GRM7: variants seen among roughly 807,000 people sequenced by gnomAD.
GRM7 encodes metabotropic glutamate receptor 7.
A neutral mutation model predicts 84.5 loss-of-function variants in GRM7; 35 were observed. The observed-to-expected ratio is 0.41, with a 90% CI of 0.32 to 0.55. GRM7 has a LOEUF of 0.55. Ranked by LOEUF, GRM7 falls within the 20% of genes least tolerant of loss-of-function variation. The probability of loss-of-function intolerance (pLI) is 0.19; values close to 1 mark genes in which losing one functional copy is unlikely to be tolerated. For missense variants in GRM7, 1,003 were observed against 1,194.6 expected (o/e 0.84, Z 2.36); for synonymous variants, 487 against 455.1 (o/e 1.07, Z -0.89).
chr3:7,371,340 C>T lies in GRM7; in HGVS notation c.1034-43683C>T, dbSNP rs147573968. Among the ~76,000 whole-genome samples the T allele has an allele frequency of 3.6e-4, 55 of 152,110 alleles. No individual in the cohort carries two copies. In the East Asian group the frequency reaches 5.4e-3, roughly 15 times the overall value. ...ACTTAGAAAGCACTAACCTAGGAGA[C>T]GTAAAAAGTAAAATATTTCACCTCT... On this transcript the variant is annotated intron_variant, in intron 4 of 9. Transcript: ENST00000357716.
chr3:6,985,520 T>C lies in GRM7; in HGVS notation c.519+123613T>C, dbSNP rs112694495. Among the ~76,000 whole-genome samples the C allele has an allele frequency of 8.3e-3, 1,269 of 152,330 alleles. 19 individuals are homozygous for C. Among genetic ancestry groups the C allele is most frequent in the African/African-American group, 0.028 (1,150 of 41,568 alleles). On this transcript the variant is annotated intron_variant, in intron 1 of 9. Coordinates refer to ENST00000357716, the MANE Select transcript of GRM7 (RefSeq NM_000844.4). ...GGTTATCAAGCCACTTTCACAAATA[T>C]GTTGTTTCATTGTTGCCACAGGCTT...
intron 9 of GRM7, among the ~76,000 whole-genome samples, chr3:7,729,204 G>C (rs1001908332): frequency 1.3e-5 from 2 of 152,116 alleles, no homozygotes; most frequent in African/African-American, 4.8e-5. Flanking sequence ...GTCATTCACA[G>C]GAATATACAG....
At chr3:7,470,569 G>T (rs771782998) in intron 7 of GRM7, among the ~76,000 whole-genome samples, 1 of 152,080 alleles carries the variant, frequency 6.6e-6, no homozygotes, top group Non-Finnish European at 1.5e-5. Context: ...CCACAAACAT[G>T]TACATTAGAG....
Position 7,188,802 on chromosome 3 carries a change from T to C in GRM7, c.736+42134T>C, listed in dbSNP as rs956145126. 2.2e-4 allele frequency among the ~76,000 whole-genome samples: 34 copies of C among 152,208 alleles called. No homozygotes were observed. The highest frequency in any genetic ancestry group is 3.2e-3 in the Middle Eastern group (1 of 316). On this transcript the variant is annotated intron_variant, in intron 2 of 9. Coordinates refer to ENST00000357716, the MANE Select transcript of GRM7 (RefSeq NM_000844.4). The surrounding 1 kb of genome is among the most constrained non-coding windows in gnomAD (Gnocchi z 4.2). ...CTCCTTTCCTCCTGTGGCCCTGATA[T>C]TCTGTAGTGACTCATGATCATTGCA... is the stretch of plus-strand genomic sequence containing the variant.
At chr3:6,891,085 G>A (rs1403367467) in intron 1 of GRM7, among the ~76,000 whole-genome samples, 2 of 152,062 alleles carry the variant, frequency 1.3e-5, no homozygotes, top group Non-Finnish European at 2.9e-5. Context: ...CATTTGCTTG[G>A]TAGATCTTCC....
At chr3:7,558,907 A>T (rs935806473) in intron 7 of GRM7, among the ~76,000 whole-genome samples, 2 of 152,166 alleles carry the variant, frequency 1.3e-5, no homozygotes, top group South Asian at 2.1e-4. Context: ...AAATATGGCC[A>T]TTGAAATCTG....
intron 1 of GRM7, among the ~76,000 whole-genome samples, chr3:7,064,194 T>G (rs1301956377): frequency 4.6e-5 from 7 of 151,124 alleles, no homozygotes; most frequent in African/African-American, 1.7e-4. Flanking sequence ...ATCACCCATC[T>G]ATACACTATA....
intron 2 of GRM7, among the ~76,000 whole-genome samples, chr3:7,246,801 G>A (rs936924387): frequency 1.3e-5 from 2 of 152,002 alleles, no homozygotes; most frequent in African/African-American, 4.8e-5. Context: ...AAGATTATAA[G>A]GCTGATTCTG....
chr3:6,930,535 T>G, intron 1 of GRM7, among the ~76,000 whole-genome samples: 1 of 152,200 alleles, frequency 6.6e-6, no homozygotes, highest in Admixed American at 6.5e-5. Flanking sequence ...TTTTTTAATC[T>G]TAATAATGTA....
chr3:7,238,984 C>T (rs1439813458), intron 2 of GRM7, among the ~76,000 whole-genome samples: 4 of 124,766 alleles, frequency 3.2e-5, no homozygotes, highest in Non-Finnish European at 3.3e-5. Flanking sequence ...TTTTCCCTTT[C>T]TTTTCTTTTT....
At chr3:7,446,060 A>G (rs1162135507) in intron 5 of GRM7, among the ~76,000 whole-genome samples, 2 of 152,224 alleles carry the variant, frequency 1.3e-5, no homozygotes, top group Non-Finnish European at 2.9e-5. Context: ...CACTTACAAT[A>G]GATCCAAACA....
chr3:7,296,204 A>C (rs907066682), intron 2 of GRM7, among the ~76,000 whole-genome samples: 2 of 152,060 alleles, frequency 1.3e-5, no homozygotes, highest in Admixed American at 1.3e-4. Flanking sequence ...TGATTTTTCA[A>C]ATAATAAATT....
At chr3:7,020,258 A>G (rs74760040) in intron 1 of GRM7, among the ~76,000 whole-genome samples, 3,361 of 152,344 alleles carry the variant, frequency 0.022, 135 homozygotes, top group African/African-American at 0.074. Context: ...CAAACTGAAA[A>G]GCCTGTATAC....
chr3:7,239,423 C>T (rs1255833552), intron 2 of GRM7, among the ~76,000 whole-genome samples: 1 of 152,146 alleles, frequency 6.6e-6, no homozygotes, highest in African/African-American at 2.4e-5. Context: ...ATAGTTTGCT[C>T]ATCTATGAAA....
At chr3:7,139,538 A>T (rs1416465876) in intron 1 of GRM7, among the ~76,000 whole-genome samples, 1 of 151,972 alleles carries the variant, frequency 6.6e-6, no homozygotes, top group South Asian at 2.1e-4. Flanking sequence ...TATTGCACAT[A>T]TGAGAGCGTG....
intron 8 of GRM7, among the ~76,000 whole-genome samples, chr3:7,667,135 G>A (rs2125129051): frequency 6.6e-6 from 1 of 152,180 alleles, no homozygotes; most frequent in East Asian, 1.9e-4. Context: ...CAGAGGTGGT[G>A]GCACATGCCT....
chr3:7,594,133 A>T (rs1026070493), intron 8 of GRM7, among the ~76,000 whole-genome samples: 5 of 152,254 alleles, frequency 3.3e-5, no homozygotes, highest in Non-Finnish European at 5.9e-5. Context: ...TTCTGAAATG[A>T]TGTGACTATT....
intron 1 of GRM7, among the ~76,000 whole-genome samples, chr3:6,974,657 G>A (rs1693918088): frequency 6.6e-6 from 1 of 152,184 alleles, no homozygotes; most frequent in African/African-American, 2.4e-5. Context: ...GATCAACTGT[G>A]TTAAGAGCTG....
chr3:7,283,183 G>A (rs1226822630), intron 2 of GRM7, among the ~76,000 whole-genome samples: 3 of 152,078 alleles, frequency 2.0e-5, no homozygotes, highest in Non-Finnish European at 4.4e-5. Flanking sequence ...GACAGTCTAG[G>A]TTAGAATGCT....
Sources: gnomAD v4.1 joint callset for allele counts (sites outside exome capture counted in the v4.1 genomes callset) on GRCh38, gnomAD v4.1.1 for gene constraint, Gnocchi (gnomAD v3.1) non-coding constraint, MANE v1.5 for transcripts, NCBI Gene and HGNC (gene_info 2026-07-23, HGNC 2026-07-21) for gene names.